SGPL1: variants seen among roughly 807,000 people sequenced by gnomAD.
SGPL1 encodes the protein sphingosine-1-phosphate lyase 1.
A neutral mutation model predicts 68.9 loss-of-function variants in SGPL1; 37 were observed. The ratio of observed to expected loss-of-function variants is 0.54; its 90% CI spans 0.41 to 0.71. The LOEUF (loss-of-function observed/expected upper bound fraction) is 0.71. Among genes scored for constraint, SGPL1 ranks in the 30% least tolerant of loss-of-function variants. SGPL1 has a pLI of 0.00. For synonymous variants in SGPL1, 236 were observed against 248.5 expected (o/e 0.95, Z 0.47); for missense variants, 551 against 704.6 (o/e 0.78, Z 2.47).
chr10:70,819,120 A>G (rs977191507), intron 2 of SGPL1, among the ~76,000 whole-genome samples: 1 of 152,226 alleles, frequency 6.6e-6, no homozygotes, highest in African/African-American at 2.4e-5. Context: ...TATAGGGCCT[A>G]TGCATTTACT....
In SGPL1 at chr10:70,824,846, A is replaced by G. The variant is rs530564353; in HGVS notation, c.27+7966A>G. 4.6e-5 allele frequency among the ~76,000 whole-genome samples: 7 copies of G among 152,322 alleles called. No individual in the cohort carries two copies. In the East Asian group the frequency reaches 1.4e-3, roughly 29 times the overall value. On this transcript the variant is annotated intron_variant, in intron 2 of 14. Transcript: ENST00000373202. Reference sequence around the variant, plus strand: ...GCTATATATAAACATGGGTAAGGTAAGCGCAGACTAGTTCTGTGGAACCTT... The same window carrying G: ...GCTATATATAAACATGGGTAAGGTAGGCGCAGACTAGTTCTGTGGAACCTT...
chr10:70,845,033 C>T (rs144264580), intron 3 of SGPL1, among the ~76,000 whole-genome samples: 3,866 of 152,172 alleles, frequency 0.025, 72 homozygotes, highest in Non-Finnish European at 0.041. Flanking sequence ...CCACCGTGCC[C>T]GGCCCTGGTT....
Position 70,873,394 on chromosome 10 carries a change from A to T in SGPL1, c.1103A>T (p.Asp368Val). 1 of 1,614,252 alleles carries T rather than the reference A, an allele frequency of 6.2e-7. No homozygotes were observed. The highest frequency in any genetic ancestry group is 2.2e-5 in the East Asian group (1 of 44,888). ...PKGSSLVLYS[D>V]KKYRNYQFFV... ...GGCTCATCATTGGTGTTGTATAGTG[A>T]CAAGAAGTACAGGAACTATCAGTTC... Residue 368 changes from aspartate (D) to valine (V), a missense_variant, in exon 12 of 15, where the codon GAC becomes GTC. Coordinates refer to ENST00000373202, the MANE Select transcript of SGPL1 (RefSeq NM_003901.4).
rs552288166 is a variant in SGPL1 at position 70,867,930 on chromosome 10, G to T, written c.616-415G>T. 9.2e-5 allele frequency among the ~76,000 whole-genome samples: 14 copies of T among 152,204 alleles called. No homozygotes were observed. The East Asian group carries it at 2.7e-3, about 29-fold the overall frequency. On this transcript the variant is annotated intron_variant, in intron 7 of 14. Transcript: ENST00000373202. The stretch of plus-strand genomic sequence containing the variant: ...TCTGAATGTCTCTTTTTAGTGTATT[G>T]CACAGTTTACTAGAATTGTAATCAC...
intron 4 of SGPL1, 22 bp downstream of exon 4, chr10:70,851,232 C>A (rs1845874821): frequency 1.3e-6 from 2 of 1,562,402 alleles, no homozygotes; most frequent in Non-Finnish European, 1.8e-6. Flanking sequence ...CTGTGTATGT[C>A]ATTTTTTCCC....
rs1382601603 is a variant in SGPL1, at chr10:70,880,993, G to A, written c.*3658G>A. On this transcript the variant is annotated 3_prime_UTR_variant, in exon 15 of 15. Coordinates refer to ENST00000373202, the MANE Select transcript of SGPL1 (RefSeq NM_003901.4). ...GTAATTACTGAGTCCTAATTTGATAGCCACCAACTGTACCTGGGTAGGCAA... is the reference window on the plus strand; with the variant it reads ...GTAATTACTGAGTCCTAATTTGATAACCACCAACTGTACCTGGGTAGGCAA... 6.6e-6 allele frequency: 1 copy of A among 152,080 alleles called. No individual in the cohort carries two copies. The highest frequency in any genetic ancestry group is 1.5e-5 in the Non-Finnish European group (1 of 68,024). 9.4% of individuals were successfully genotyped at this position (152,080 alleles called of 1,614,324 possible). A position where few individuals can be genotyped will look rare whatever the true frequency, so the allele number is the denominator to read the frequency against.
intron 3 of SGPL1, among the ~76,000 whole-genome samples, chr10:70,850,809 G>T (rs797013553): frequency 2.0e-5 from 3 of 149,904 alleles, no homozygotes; most frequent in African/African-American, 7.4e-5. Context: ...TGCAAAAAAA[G>T]GGAGACAAAT....
intron 12 of SGPL1, 56 bp from the exon 13 acceptor site, chr10:70,875,346 G>C: frequency 1.8e-6 from 2 of 1,116,816 alleles, no homozygotes; most frequent in Non-Finnish European, 2.7e-6. Context: ...AGTGACCAGG[G>C]GATTGTATGT....
intron 2 of SGPL1, among the ~76,000 whole-genome samples, chr10:70,832,182 A>G (rs1845551712): frequency 1.3e-5 from 2 of 152,206 alleles, no homozygotes; most frequent in Non-Finnish European, 2.9e-5. Context: ...TCAGCTGCTT[A>G]CTTCAGCTTT....
chr10:70,852,566 A>G (rs1845901079), intron 4 of SGPL1, among the ~76,000 whole-genome samples: 1 of 152,182 alleles, frequency 6.6e-6, no homozygotes, highest in African/African-American at 2.4e-5. Flanking sequence ...AGACAAATAA[A>G]TGCTAGGGTT....
intron 3 of SGPL1, among the ~76,000 whole-genome samples, chr10:70,850,553 T>C (rs1037758069): frequency 6.6e-6 from 1 of 152,242 alleles, no homozygotes; most frequent in Admixed American, 6.5e-5. Context: ...GGTGTACTTG[T>C]AGTTTATCCT....
At chr10:70,862,223 A>C (rs998246148) in intron 7 of SGPL1, among the ~76,000 whole-genome samples, 1 of 152,324 alleles carries the variant, frequency 6.6e-6, no homozygotes, top group African/African-American at 2.4e-5. Context: ...TAAACACACC[A>C]ATCAGCACCC....
rs1846409829 is a variant in SGPL1, at chr10:70,877,286, A to G, written c.1658A>G (p.Asp553Gly). ...SVFLDSLYST[D>G]TVTQGSQMNG... ...TTCTTGGACAGCTTGTACAGCACCGACACTGTCACCCAGGGCAGCCAGATG... is the reference window on the plus strand; with the variant it reads ...TTCTTGGACAGCTTGTACAGCACCGGCACTGTCACCCAGGGCAGCCAGATG... Residue 553 changes from aspartate (D) to glycine (G), a missense_variant, in exon 15 of 15, where the codon GAC (aspartate) becomes GGC (glycine). Asp to Gly is a moderately conservative substitution (Grantham distance 94). Transcript: ENST00000373202. The G allele has an allele frequency of 1.2e-6, 2 of 1,614,194 alleles. No homozygotes were observed. The highest frequency in any genetic ancestry group is 2.2e-5 in the South Asian group (2 of 91,082).
chr10:70,837,553 A>G (rs1309733103), intron 2 of SGPL1, among the ~76,000 whole-genome samples: 1 of 152,174 alleles, frequency 6.6e-6, no homozygotes, highest in African/African-American at 2.4e-5. Flanking sequence ...ATCCCTGTAA[A>G]ATAGTGCCTT....
At chr10:70,865,353 G>A in intron 7 of SGPL1, among the ~76,000 whole-genome samples, 1 of 149,530 alleles carries the variant, frequency 6.7e-6, no homozygotes, top group East Asian at 2.0e-4. Flanking sequence ...TCTTACTCCT[G>A]AAGTCCAGGC....
intron 2 of SGPL1, among the ~76,000 whole-genome samples, chr10:70,833,538 G>C (rs560399170): frequency 6.6e-6 from 1 of 152,186 alleles, no homozygotes; most frequent in East Asian, 1.9e-4. Flanking sequence ...AAACTTTAAT[G>C]CTTTTGGAGG....
intron 7 of SGPL1, among the ~76,000 whole-genome samples, chr10:70,867,492 G>T (rs145673528): frequency 0.013 from 1,994 of 151,744 alleles, 37 homozygotes; most frequent in Non-Finnish European, 0.019. Context: ...GAACCAGGAG[G>T]CAAAGGCTGC....
chr10:70,830,523 A>G (rs968386548), intron 2 of SGPL1, among the ~76,000 whole-genome samples: 11 of 152,196 alleles, frequency 7.2e-5, no homozygotes, highest in African/African-American at 2.7e-4. Context: ...TTGCAGTTAC[A>G]GGGCTTTTCC....
intron 7 of SGPL1, among the ~76,000 whole-genome samples, chr10:70,865,535 G>C (rs980369968): frequency 4.6e-5 from 7 of 152,074 alleles, no homozygotes; most frequent in Admixed American, 2.0e-4. Context: ...CTCCCACTCT[G>C]TCTCCCCCAC....
Sources: allele counts gnomAD v4.1 joint callset (sites outside exome capture counted in the v4.1 genomes callset), GRCh38; gene constraint gnomAD v4.1.1; transcripts MANE v1.5; gene names NCBI Gene and HGNC (gene_info 2026-07-23, HGNC 2026-07-21).